LYPLAL1: variants seen among roughly 807,000 people sequenced by gnomAD.
The protein encoded by LYPLAL1 is lysophospholipase like 1.
A neutral mutation model predicts 19.7 loss-of-function variants in LYPLAL1; 23 were observed. The ratio of observed to expected loss-of-function variants is 1.17; its 90% CI spans 0.84 to 1.65. The LOEUF (loss-of-function observed/expected upper bound fraction) is 1.65. Ranked by LOEUF, LYPLAL1 falls within the 40% of genes most tolerant of loss-of-function variation. LYPLAL1 has a pLI of 0.00. For missense variants in LYPLAL1, 355 were observed against 279.4 expected, an observed-to-expected ratio of 1.27 and a Z score of -1.93; for synonymous variants, 119 against 96.3, an observed-to-expected ratio of 1.24 and a Z score of -1.38.
the LYPLAL1 span, among the ~76,000 whole-genome samples, chr1:219,345,427 GT>G: frequency 1.3e-5 from 2 of 152,268 alleles, no homozygotes; most frequent in Non-Finnish European, 2.9e-5. Context: ...GCTGCTGCTT[GT>G]GATGAATAGT....
chr1:219,273,241 C>T, the LYPLAL1 span: 1 of 152,140 alleles, frequency 6.6e-6, no homozygotes, highest in African/African-American at 2.4e-5. Flanking sequence ...TAAAAGGAGG[C>T]TTAACTTACT....
intron 2 of LYPLAL1, among the ~76,000 whole-genome samples, chr1:219,191,899 G>C (rs1054245521): frequency 6.6e-6 from 1 of 151,362 alleles, no homozygotes; most frequent in Non-Finnish European, 1.5e-5. Context: ...GTAAATAAAA[G>C]ATCCCCGTAT....
the LYPLAL1 span, among the ~76,000 whole-genome samples, chr1:219,368,420 C>T: frequency 3.3e-5 from 5 of 152,224 alleles, no homozygotes; most frequent in African/African-American, 9.6e-5. Context: ...ATCTCCTTGG[C>T]CAGAATAACA....
the LYPLAL1 span, among the ~76,000 whole-genome samples, chr1:219,335,766 C>T: frequency 6.6e-6 from 1 of 151,814 alleles, no homozygotes; most frequent in Non-Finnish European, 1.5e-5. Flanking sequence ...AATTGTGCTA[C>T]AACTGGATAC....
At chr1:219,317,491 C>T in the LYPLAL1 span, among the ~76,000 whole-genome samples, 25 of 152,032 alleles carry the variant, frequency 1.6e-4, no homozygotes, top group Non-Finnish European at 5.9e-5. Context: ...AGGCCCTGAA[C>T]ACAGTGTTCC....
chr1:219,307,751 T>C, the LYPLAL1 span, among the ~76,000 whole-genome samples: 1 of 152,306 alleles, frequency 6.6e-6, no homozygotes, highest in Admixed American at 6.5e-5. Context: ...TTCCCCATAC[T>C]CTTCTCATGG....
the LYPLAL1 span, among the ~76,000 whole-genome samples, chr1:219,229,385 AATTG>A: frequency 6.7e-6 from 1 of 149,998 alleles, no homozygotes; most frequent in Non-Finnish European, 1.5e-5. Context: ...TGGCTGGGGC[AATTG>A]GAGGAAGGAC....
chr1:219,238,263 G>A, the LYPLAL1 span, among the ~76,000 whole-genome samples: 2 of 146,668 alleles, frequency 1.4e-5, no homozygotes, highest in South Asian at 2.1e-4. Context: ...TCAGCCTCCC[G>A]AGTAGCTGGG....
At chr1:219,176,746 G>A (rs527718014) in intron 1 of LYPLAL1, among the ~76,000 whole-genome samples, 2 of 152,262 alleles carry the variant, frequency 1.3e-5, no homozygotes, top group South Asian at 4.1e-4. Context: ...GGTAAAAATA[G>A]AACCTTTGAA....
chr1:219,326,586 A>G, the LYPLAL1 span, among the ~76,000 whole-genome samples: 1 of 152,184 alleles, frequency 6.6e-6, no homozygotes, highest in Non-Finnish European at 1.5e-5. Context: ...TATCAACAAG[A>G]AAATTCCTTC....
the LYPLAL1 span, among the ~76,000 whole-genome samples, chr1:219,407,986 C>G: frequency 5.9e-5 from 9 of 152,114 alleles, no homozygotes; most frequent in Non-Finnish European, 1.5e-5. Context: ...GATCTATTTA[C>G]CTCCCAAAGG....
At chr1:219,301,004 T>G in the LYPLAL1 span, among the ~76,000 whole-genome samples, 1 of 151,936 alleles carries the variant, frequency 6.6e-6, no homozygotes, top group African/African-American at 2.4e-5. Flanking sequence ...ACAGGATCAC[T>G]TAAGCCCAGG....
chr1:219,210,290 T>C (rs976296628), intron 3 of LYPLAL1: 3 of 245,796 alleles, frequency 1.2e-5, no homozygotes, highest in Admixed American at 1.1e-4. Flanking sequence ...GTGAACATGA[T>C]ATATTTGTTT....
the LYPLAL1 span, among the ~76,000 whole-genome samples, chr1:219,229,035 A>C: frequency 6.6e-6 from 1 of 152,026 alleles, no homozygotes; most frequent in African/African-American, 2.4e-5. Context: ...CCTTTGAAAT[A>C]GATATTACTA....
At chr1:219,311,886 C>G in the LYPLAL1 span, among the ~76,000 whole-genome samples, 1 of 152,038 alleles carries the variant, frequency 6.6e-6, no homozygotes, top group African/African-American at 2.4e-5. Flanking sequence ...AACAGGTTTC[C>G]TGCTGCTAAC....
the LYPLAL1 span, among the ~76,000 whole-genome samples, chr1:219,238,795 A>T: frequency 6.6e-6 from 1 of 152,188 alleles, no homozygotes; most frequent in Non-Finnish European, 1.5e-5. Flanking sequence ...ATTGTCATTA[A>T]CCATTTTAAA....
intron 1 of LYPLAL1, among the ~76,000 whole-genome samples, chr1:219,177,123 A>C (rs1655882339): frequency 6.6e-6 from 1 of 152,208 alleles, no homozygotes; most frequent in South Asian, 2.1e-4. Context: ...AGCTAGACTT[A>C]GACTTGGCTT....
chr1:219,222,066 C>G, the LYPLAL1 span, among the ~76,000 whole-genome samples: 2 of 152,110 alleles, frequency 1.3e-5, no homozygotes, highest in African/African-American at 2.4e-5. Flanking sequence ...CTTTCCCTAC[C>G]TGACATTCTT....
chr1:219,305,283 G>A, the LYPLAL1 span, among the ~76,000 whole-genome samples: 15 of 152,124 alleles, frequency 9.9e-5, no homozygotes, highest in Non-Finnish European at 2.2e-4. Flanking sequence ...AACCCATCAG[G>A]AGCTCTAGAC....
Sources: gnomAD v4.1 joint callset for allele counts (sites outside exome capture counted in the v4.1 genomes callset) on GRCh38, gnomAD v4.1.1 for gene constraint, MANE v1.5 for transcripts, NCBI Gene and HGNC (gene_info 2026-07-23, HGNC 2026-07-21) for gene names.